Variants in MADD observed in about 807,000 individuals in gnomAD.
The protein encoded by MADD is MAP kinase activating death domain.
In MADD, 109 loss-of-function variants were observed where a neutral mutation model predicts 176.7. The ratio of observed to expected loss-of-function variants is 0.62; its 90% confidence interval spans 0.53 to 0.72. The LOEUF is 0.72. Ranked by LOEUF, MADD falls within the 30% of genes least tolerant of loss-of-function variation. The pLI, the probability that MADD is intolerant of heterozygous loss-of-function variation, is 0.00. For synonymous variants in MADD, 771 were observed against 771.3 expected (o/e 1.00, Z 0.01); for missense variants, 1,914 against 2,045.5 (o/e 0.94, Z 1.24).
At chr11:47,277,417 C>T (rs1233227978) in intron 5 of MADD, among the ~76,000 whole-genome samples, 1 of 152,140 alleles carries the variant, frequency 6.6e-6, no homozygotes, top group East Asian at 1.9e-4. Flanking sequence ...TTCAGCCTCC[C>T]TAGTAGCTGG....
chr11:47,328,145 A>G, intron 31 of MADD: 1 of 1,015,234 alleles, frequency 9.8e-7, no homozygotes, highest in Admixed American at 5.1e-5. Context: ...TTACCTCTTC[A>G]TCCAGCCTCA....
chr11:47,286,711 T>C (rs146576820), intron 15 of MADD, among the ~76,000 whole-genome samples, 177 bp downstream of exon 15: 1 of 152,284 alleles, frequency 6.6e-6, no homozygotes, highest in Non-Finnish European at 1.5e-5. Context: ...ATGGAAACCA[T>C]CTTTGTAGCT....
At chr11:47,319,848 G>A (rs1404897173) in intron 27 of MADD, among the ~76,000 whole-genome samples, 4 of 151,764 alleles carry the variant, frequency 2.6e-5, no homozygotes, top group Admixed American at 6.6e-5. Context: ...AAAATTAGCC[G>A]GGCGTGTTGG....
rs761017039 is a variant in MADD at position 47,309,488 on chromosome 11, T to G, written c.3873-19T>G. 34 of 1,613,952 alleles carry G rather than the reference T, an allele frequency of 2.1e-5. 1 individual carries two copies. Among genetic ancestry groups the G allele is most frequent in the Admixed American group, 5.0e-5 (3 of 60,014 alleles). On this transcript the variant is annotated intron_variant, in intron 24 of 32. Coordinates refer to ENST00000402192, the Ensembl canonical transcript of MADD. ...GGTCTCCCACTTGAGGGCTGACTTG[T>G]GCTTGGTCTTCTCCTTAGGTACCTG...
intron 25 of MADD, among the ~76,000 whole-genome samples, chr11:47,310,740 C>T (rs984603009): frequency 1.4e-4 from 21 of 151,560 alleles, no homozygotes; most frequent in African/African-American, 4.8e-4. Flanking sequence ...AATCCTGTCT[C>T]TACTAAAAAT....
At chr11:47,315,184 T>G (rs969612581) in intron 26 of MADD, 36 bp from the exon 30 acceptor site, 2 of 1,275,892 alleles carry the variant, frequency 1.6e-6, no homozygotes, top group Admixed American at 3.4e-5. Flanking sequence ...CTGAGAGGGA[T>G]GTATGACTGT....
chr11:47,308,472 G>A, intron 22 of MADD, 119 bp from the exon 25 acceptor site: 1 of 641,644 alleles, frequency 1.6e-6, no homozygotes, highest in Admixed American at 2.6e-5. Flanking sequence ...CAGGGGTACT[G>A]GAGTTTATGT....
intron 15 of MADD, 74 bp downstream of exon 15, chr11:47,286,608 C>A: frequency 1.8e-6 from 2 of 1,111,602 alleles, no homozygotes; most frequent in Non-Finnish European, 2.7e-6. Flanking sequence ...ATGTCAGGAG[C>A]CCTGCATCTG....
At chr11:47,279,548 T>C (rs2054292678) in intron 7 of MADD, among the ~76,000 whole-genome samples, 1 of 151,882 alleles carries the variant, frequency 6.6e-6, no homozygotes, top group East Asian at 2.0e-4. Flanking sequence ...CCGGCTAATT[T>C]TTTTGTATTT....
intron 8 of MADD, 97 bp downstream of exon 8, chr11:47,281,850 C>CT (rs56374249): frequency 2.1e-5 from 7 of 329,094 alleles, no homozygotes; most frequent in Middle Eastern, 9.5e-4. Flanking sequence ...ACCAGGGTTC[C>CT]TTTTTTTTTT....
intron 27 of MADD, among the ~76,000 whole-genome samples, chr11:47,321,076 T>C (rs2094393834): frequency 6.6e-6 from 1 of 152,202 alleles, no homozygotes; most frequent in African/African-American, 2.4e-5. Context: ...TTTGCCAAAT[T>C]GCCATCCCAA....
intron 22 of MADD, among the ~76,000 whole-genome samples, chr11:47,299,070 T>C (rs2075467890): frequency 6.6e-6 from 1 of 152,226 alleles, no homozygotes; most frequent in African/African-American, 2.4e-5. Flanking sequence ...TAGCATGCAG[T>C]TATGGTTACT....
chr11:47,282,597 CT>C lies in MADD; in HGVS notation c.1689del (p.Gln564SerfsTer12). ...GGATCCTTAACCCCACCAACTATGCCTTTCAGCGAATTCACAACAGTGAGTC... is the reference window on the plus strand; with the variant it reads ...GGATCCTTAACCCCACCAACTATGCCTTCAGCGAATTCACAACAGTGAGTC... On this transcript the variant is annotated frameshift_variant, in exon 9 of 33. Coordinates refer to ENST00000402192, the Ensembl canonical transcript of MADD. LOFTEE classifies it high-confidence loss of function. 6.2e-7 allele frequency: 1 copy of C among 1,614,190 alleles called. No homozygotes were observed. The highest frequency in any genetic ancestry group is 8.5e-7 in the Non-Finnish European group (1 of 1,180,040).
intron 25 of MADD, among the ~76,000 whole-genome samples, chr11:47,310,961 A>T (rs188523623): frequency 4.6e-5 from 7 of 151,832 alleles, no homozygotes; most frequent in African/African-American, 1.4e-4. Context: ...GCACAGCCCT[A>T]TATCTTACAG....
At chr11:47,328,608 T>C (rs1206972678) in intron 31 of MADD, 50 bp from the exon 36 acceptor site, 2 of 1,613,462 alleles carry the variant, frequency 1.2e-6, no homozygotes, top group South Asian at 2.2e-5. Context: ...ATGGCACGAT[T>C]GCTCTTAGTG....
chr11:47,274,919 C>T, exon 3 of MADD: 1 of 1,613,810 alleles, frequency 6.2e-7, no homozygotes, highest in Non-Finnish European at 8.5e-7. Flanking sequence ...GAGAGTGGCT[C>T]ATCCCTGCAG....
intron 15 of MADD, 38 bp downstream of exon 15, chr11:47,286,572 C>T (rs777686354): frequency 1.1e-5 from 17 of 1,515,642 alleles, no homozygotes; most frequent in South Asian, 2.3e-5. Flanking sequence ...CAGGTTTCTC[C>T]GGGAGATGTT....
chr11:47,275,779 C>A, intron 3 of MADD, 120 bp from the exon 4 acceptor site: 1 of 985,312 alleles, frequency 1.0e-6, no homozygotes, highest in Non-Finnish European at 1.5e-6. Flanking sequence ...AGAGACTGGG[C>A]TTTCTTAATG....
chr11:47,308,517 A>T, intron 22 of MADD, 74 bp from the exon 25 acceptor site: 1 of 1,021,876 alleles, frequency 9.8e-7, no homozygotes, highest in Non-Finnish European at 1.5e-6. Context: ...AGAGCCTCTT[A>T]GTGAAGTGCG....
Sources: allele counts gnomAD v4.1 joint callset (sites outside exome capture counted in the v4.1 genomes callset), GRCh38; gene constraint gnomAD v4.1.1; transcripts MANE v1.5; gene names NCBI Gene and HGNC (gene_info 2026-07-23, HGNC 2026-07-21).